The following SIL1 variants were observed in gnomAD, a reference collection of about 807,000 sequenced individuals.
The protein encoded by SIL1 is nucleotide exchange factor SIL1.
A neutral mutation model predicts 49.1 loss-of-function variants in SIL1; 40 were observed. The observed-to-expected ratio is 0.81, with a 90% CI of 0.63 to 1.06. The LOEUF is 1.06. SIL1 is among the 50% of genes least tolerant of loss of function. The pLI is 0.00. For missense variants in SIL1, 500 were observed against 572.6 expected, an observed-to-expected ratio of 0.87 and a Z score of 1.29; for synonymous variants, 253 against 250.8, an observed-to-expected ratio of 1.01 and a Z score of -0.08.
At chr5:139,170,993 G>A (rs1322119022) in intron 1 of SIL1, among the ~76,000 whole-genome samples, 2 of 149,216 alleles carry the variant, frequency 1.3e-5, no homozygotes, top group African/African-American at 4.9e-5. Context: ...CGTCCGGGAG[G>A]TGAGGGGCGC....
chr5:139,089,403 C>T (rs1770293594), intron 3 of SIL1, among the ~76,000 whole-genome samples: 1 of 152,196 alleles, frequency 6.6e-6, no homozygotes, highest in Admixed American at 6.5e-5. Context: ...TCCCCAGCTT[C>T]CCACCAGCAA....
intron 3 of SIL1, among the ~76,000 whole-genome samples, chr5:139,081,699 T>A (rs1770084166): frequency 2.0e-5 from 3 of 151,724 alleles, no homozygotes. Flanking sequence ...GCCAACATGG[T>A]GAAACCCCAT....
intron 1 of SIL1, among the ~76,000 whole-genome samples, chr5:139,170,430 C>T (rs1751728128): frequency 6.6e-6 from 1 of 151,522 alleles, no homozygotes; most frequent in Admixed American, 6.6e-5. Context: ...AGGAGTGCCT[C>T]TTCCCAGCCG....
At chr5:139,086,349 T>A (rs988306929) in intron 3 of SIL1, among the ~76,000 whole-genome samples, 8 of 151,944 alleles carry the variant, frequency 5.3e-5, no homozygotes, top group Non-Finnish European at 1.0e-4. Context: ...TTCATTTTTT[T>A]ATTTTTATTT....
intron 7 of SIL1, among the ~76,000 whole-genome samples, chr5:138,962,274 G>C (rs186475100): frequency 6.6e-6 from 1 of 151,712 alleles, no homozygotes; most frequent in South Asian, 2.1e-4. Context: ...TTTTTTGGTG[G>C]GCTAAAAGCC....
intron 5 of SIL1, among the ~76,000 whole-genome samples, chr5:139,041,107 C>T (rs767561539): frequency 1.3e-5 from 2 of 152,216 alleles, no homozygotes; most frequent in Non-Finnish European, 2.9e-5. Flanking sequence ...CACCCAGGCA[C>T]TCCTCTGCTG....
chr5:139,143,846 CAAAAA>C (rs756574801), intron 1 of SIL1, among the ~76,000 whole-genome samples: 2 of 152,072 alleles, frequency 1.3e-5, no homozygotes. Context: ...AAAACAGTAT[CAAAAA>C]GAACACTTAG....
intron 3 of SIL1, among the ~76,000 whole-genome samples, chr5:139,102,088 C>A (rs1357034288): frequency 6.6e-6 from 1 of 152,164 alleles, no homozygotes; most frequent in South Asian, 2.1e-4. Context: ...CAAGTATATT[C>A]ACTAATGAAT....
chr5:139,065,350 T>C (rs563356065), intron 3 of SIL1, among the ~76,000 whole-genome samples: 4 of 152,242 alleles, frequency 2.6e-5, no homozygotes, highest in African/African-American at 7.2e-5. Flanking sequence ...AAAGAGGCCA[T>C]ATCCAGCAGC....
At chr5:139,108,482 T>C (rs1770774427) in intron 3 of SIL1, among the ~76,000 whole-genome samples, 1 of 152,196 alleles carries the variant, frequency 6.6e-6, no homozygotes, top group Non-Finnish European at 1.5e-5. Context: ...TTTGGGAAAG[T>C]TGAGGTACAA....
chr5:139,020,550 T>C (rs899622198), intron 7 of SIL1, among the ~76,000 whole-genome samples: 2 of 152,240 alleles, frequency 1.3e-5, no homozygotes, highest in Admixed American at 6.5e-5. Context: ...AATGGACCAA[T>C]TGCAGCATGC....
At chr5:139,029,840 C>T (rs1768746603) in intron 5 of SIL1, among the ~76,000 whole-genome samples, 1 of 151,366 alleles carries the variant, frequency 6.6e-6, no homozygotes, top group Non-Finnish European at 1.5e-5. Flanking sequence ...TTTAGCCAGG[C>T]ATGGTGATGT....
intron 7 of SIL1, among the ~76,000 whole-genome samples, chr5:138,991,043 A>G (rs1767746624): frequency 6.6e-6 from 1 of 152,170 alleles, no homozygotes; most frequent in African/African-American, 2.4e-5. Flanking sequence ...AACAGTCTTT[A>G]TCCTTTCCTT....
intron 7 of SIL1, among the ~76,000 whole-genome samples, chr5:139,014,381 A>G (rs1768355258): frequency 6.6e-6 from 1 of 152,066 alleles, no homozygotes; most frequent in Admixed American, 6.6e-5. Flanking sequence ...AAAAAAAAAA[A>G]AAGAGTCAGT....
Position 139,021,251 on chromosome 5 carries a change from T to C in SIL1, c.687A>G (p.Gln229=). 1 of 1,614,160 alleles carries C rather than the reference T, an allele frequency of 6.2e-7. No homozygotes were observed. Residue 229 remains glutamine, a synonymous_variant, in exon 7 of 10, where the codon CAA becomes CAG. Coordinates refer to ENST00000394817, the MANE Select transcript of SIL1 (RefSeq NM_022464.5). ...TGCTGTTCAGCCCATTGATCACCAC[T>C]TGAAGACCACCAAAGGAAAGCAGGT... ...AQDLLSFGGL[Q]VVINGLNSTE...
chr5:139,168,084 T>G (rs1751660622), intron 1 of SIL1, among the ~76,000 whole-genome samples: 1 of 152,200 alleles, frequency 6.6e-6, no homozygotes, highest in African/African-American at 2.4e-5. Context: ...TTGTCTATAA[T>G]ATTGAGTACA....
intron 3 of SIL1, among the ~76,000 whole-genome samples, chr5:139,091,051 T>C (rs1292493434): frequency 6.6e-6 from 1 of 152,130 alleles, no homozygotes; most frequent in African/African-American, 2.4e-5. Context: ...TGAAAACATA[T>C]AAGTACCAAA....
intron 3 of SIL1, among the ~76,000 whole-genome samples, chr5:139,077,996 G>A (rs1465027174): frequency 6.6e-6 from 1 of 152,182 alleles, no homozygotes; most frequent in Non-Finnish European, 1.5e-5. Context: ...ATCCAGAGGG[G>A]AACTGAGAGA....
chr5:139,010,457 T>C (rs201669739), intron 7 of SIL1, among the ~76,000 whole-genome samples: 4 of 150,444 alleles, frequency 2.7e-5, no homozygotes, highest in Non-Finnish European at 6.0e-5. Flanking sequence ...CCTTCTTCTC[T>C]CAGCTCGTCA....
Sources: allele counts gnomAD v4.1 joint callset (sites outside exome capture counted in the v4.1 genomes callset), GRCh38; gene constraint gnomAD v4.1.1; transcripts MANE v1.5; gene names NCBI Gene and HGNC (gene_info 2026-07-23, HGNC 2026-07-21).